The following ABCB1 variants were observed in gnomAD, a reference collection of about 807,000 sequenced individuals.
The protein encoded by ABCB1 is ATP binding cassette subfamily B member 1.
A neutral mutation model predicts 142.0 loss-of-function variants in ABCB1; 69 were observed. The ratio of observed to expected loss-of-function variants is 0.49; its 90% CI spans 0.40 to 0.59. ABCB1 has a LOEUF of 0.59. ABCB1 is among the 20% of genes least tolerant of loss of function. ABCB1 has a pLI of 0.00. For missense variants in ABCB1, 1,326 were observed against 1,554.7 expected (o/e 0.85, Z 2.47); for synonymous variants, 532 against 539.2 (o/e 0.99, Z 0.18).
At position 87,535,972 on chromosome 7, in the gene ABCB1, ATTAAAGT is replaced by A. The variant is rs28381957; in HGVS notation, c.2481+479_2481+485del. ...TAGCAAAATTTAAGTTATTAAAATT[ATTAAAGT>A]TTAAAGTTATTAAAGATAAAGACTG... On this transcript the variant is annotated intron_variant, in intron 20 of 27. Coordinates refer to ENST00000622132, the MANE Select transcript of ABCB1 (RefSeq NM_001348946.2). Among the ~76,000 whole-genome samples, 551 of 152,348 alleles carry A rather than the reference ATTAAAGT, an allele frequency of 3.6e-3. 4 individuals carry two copies. The highest frequency in any genetic ancestry group is 0.013 in the African/African-American group (522 of 41,594).
At chr7:87,694,243 G>A (rs1445372060) in intron 1 of ABCB1, among the ~76,000 whole-genome samples, 46 of 152,020 alleles carry the variant, frequency 3.0e-4, no homozygotes, top group Non-Finnish European at 4.4e-5. Flanking sequence ...AGCAGCTCAG[G>A]GAAGCTGTAT....
rs1584914204 is a variant in ABCB1, at chr7:87,600,000, G to A, written c.68+117C>T. 12 of 1,068,812 alleles carry A rather than the reference G, an allele frequency of 1.1e-5. No homozygotes were observed. In the Admixed American group the frequency reaches 2.3e-4, roughly 20 times the overall value. 66.2% of individuals were successfully genotyped at this position (1,068,812 alleles called of 1,614,324 possible). Reference sequence around the variant, plus strand: ...ATATTGATTCCAAAGGCTAGCTTGCGTTTCTTAAAAATAATTAAAAACAAC... The same window carrying A: ...ATATTGATTCCAAAGGCTAGCTTGCATTTCTTAAAAATAATTAAAAACAAC... On this transcript the variant is annotated intron_variant, in intron 2 of 27. Transcript: ENST00000622132.
intron 1 of ABCB1, among the ~76,000 whole-genome samples, chr7:87,650,364 A>G (rs1490707954): frequency 6.6e-6 from 1 of 152,032 alleles, no homozygotes; most frequent in Non-Finnish European, 1.5e-5. Flanking sequence ...GAAGGCTGAG[A>G]TCGGGGCACC....
intron 17 of ABCB1, among the ~76,000 whole-genome samples, chr7:87,542,434 A>T (rs1437458373): frequency 6.6e-6 from 1 of 152,196 alleles, no homozygotes; most frequent in Admixed American, 6.5e-5. Context: ...AAGTTAACAC[A>T]GCCAGCAAGG....
chr7:87,700,138 C>A (rs1036768483), intron 1 of ABCB1, among the ~76,000 whole-genome samples: 1 of 151,970 alleles, frequency 6.6e-6, no homozygotes, highest in East Asian at 1.9e-4. Context: ...TGTTAAATGG[C>A]AAGATATTTC....
intron 20 of ABCB1, among the ~76,000 whole-genome samples, chr7:87,533,344 A>G (rs1421741857): frequency 6.6e-6 from 1 of 152,132 alleles, no homozygotes. Flanking sequence ...AATCACTTCT[A>G]GGTGTGAGTT....
intron 1 of ABCB1, among the ~76,000 whole-genome samples, chr7:87,627,376 A>C (rs1179213790): frequency 6.6e-6 from 1 of 152,260 alleles, no homozygotes; most frequent in East Asian, 1.9e-4. Context: ...TTTTGGAGCC[A>C]CTGAAGCCGT....
At chr7:87,564,226 T>C (rs969648357) in intron 7 of ABCB1, 4 of 411,018 alleles carry the variant, frequency 9.7e-6, no homozygotes, top group Admixed American at 5.6e-5. Context: ...AGTTGTTCCA[T>C]TGAAGTTTAG....
chr7:87,641,338 C>T (rs1197477007), intron 1 of ABCB1, among the ~76,000 whole-genome samples: 1 of 152,158 alleles, frequency 6.6e-6, no homozygotes, highest in Non-Finnish European at 1.5e-5. Flanking sequence ...CTTTGCTTTA[C>T]TAGTGTTCAT....
At chr7:87,642,229 C>G (rs552288837) in intron 1 of ABCB1, among the ~76,000 whole-genome samples, 1 of 152,114 alleles carries the variant, frequency 6.6e-6, no homozygotes, top group Non-Finnish European at 1.5e-5. Context: ...GTCTGTGATA[C>G]AAGTCAGCTG....
In ABCB1 at chr7:87,657,945, CAG is replaced by C. The variant is rs1402247525; in HGVS notation, c.-331+55214_-331+55215del. 2.0e-5 allele frequency among the ~76,000 whole-genome samples: 3 copies of C among 152,206 alleles called. No homozygotes were observed. In the East Asian group the frequency reaches 5.8e-4, roughly 29 times the overall value. ...CAGTGTCACAAAAAGCTAGTTAAAA[CAG>C]AAGGTTTAAATAAGATCCAGAGTTT... On this transcript the variant is annotated intron_variant, in intron 1 of 28. Coordinates refer to the ABCB1 transcript ENST00000265724.
intron 5 of ABCB1, 133 bp downstream of exon 5, chr7:87,570,039 T>C (rs1817972218): frequency 1.2e-6 from 1 of 808,082 alleles, no homozygotes; most frequent in East Asian, 2.6e-5. Context: ...AAAGTCTACA[T>C]ATACTCTTCT....
rs1028673049 is a variant in ABCB1 at position 87,651,115 on chromosome 7, C to A, written c.-330-50037G>T. Among the ~76,000 whole-genome samples, 36 of 152,152 alleles carry A rather than the reference C, an allele frequency of 2.4e-4. 1 individual carries two copies. The highest frequency in any genetic ancestry group is 8.2e-4 in the African/African-American group (34 of 41,432). ...TCTGTTCTCAGATTTACACCTATTT[C>A]TGGGATGCATTGAAAATGTTGTGTT... is the stretch of plus-strand genomic sequence containing the variant. On this transcript the variant is annotated intron_variant, in intron 1 of 28. Transcript: ENST00000265724.
At chr7:87,568,242 C>CAATAATAATAATAATAATAACAACAAT (rs1554435541) in intron 5 of ABCB1, among the ~76,000 whole-genome samples, 1 of 135,922 alleles carries the variant, frequency 7.4e-6, no homozygotes, top group African/African-American at 2.7e-5. Context: ...AAAAATACGA[C>CAATAATAATAATAATAATAACAACAAT]AATAATAATA....
At chr7:87,617,081 C>T (rs534802923) in intron 1 of ABCB1, among the ~76,000 whole-genome samples, 3 of 152,188 alleles carry the variant, frequency 2.0e-5, no homozygotes, top group African/African-American at 7.2e-5. Context: ...TAGAGTTCTT[C>T]CTGAGCCTGC....
At position 87,701,919 on chromosome 7, in the gene ABCB1, G is replaced by A. The variant is rs532145962; in HGVS notation, c.-331+11242C>T. 1.9e-4 allele frequency among the ~76,000 whole-genome samples: 29 copies of A among 151,988 alleles called. No homozygotes were observed. The South Asian group carries it at 5.6e-3, about 29-fold the overall frequency. On this transcript the variant is annotated intron_variant, in intron 1 of 28. Transcript: ENST00000265724. ...AGCACTTTGGGAGGCCGAGGCAGGC[G>A]GATCACGAGGTCAGGAGATCGAGAC...
intron 19 of ABCB1, chr7:87,537,063 AAGCCTTAAAGGCTGCC>A (rs1816326416): frequency 6.4e-6 from 1 of 157,386 alleles, no homozygotes; most frequent in Admixed American, 6.1e-5. Flanking sequence ...ACCAGCAAGA[AAGCCTTAAAGGCTGCC>A]AGCAGCCTAA....
chr7:87,651,973 G>A (rs1353208475), intron 1 of ABCB1, among the ~76,000 whole-genome samples: 3 of 151,768 alleles, frequency 2.0e-5, no homozygotes, highest in Non-Finnish European at 2.9e-5. Context: ...TTGCTGTTCT[G>A]TGTTTCCTAA....
intron 1 of ABCB1, among the ~76,000 whole-genome samples, chr7:87,606,058 T>A (rs1819639909): frequency 6.6e-6 from 1 of 152,026 alleles, no homozygotes; most frequent in Admixed American, 6.5e-5. Flanking sequence ...ACAAACCATA[T>A]AGCTATTTAT....
Sources: allele counts gnomAD v4.1 joint callset (sites outside exome capture counted in the v4.1 genomes callset), GRCh38; gene constraint gnomAD v4.1.1; transcripts MANE v1.5; gene names NCBI Gene and HGNC (gene_info 2026-07-23, HGNC 2026-07-21).